Variants in PPP1R12C observed in about 807,000 individuals in gnomAD.
The protein encoded by PPP1R12C is leukocyte receptor cluster (LRC) encoded novel gene 3.
A neutral mutation model predicts 95.6 loss-of-function variants in PPP1R12C; 48 were observed. The ratio of observed to expected loss-of-function variants is 0.50; its 90% confidence interval spans 0.40 to 0.64. The LOEUF (loss-of-function observed/expected upper bound fraction) is 0.64, where lower values mean the gene tolerates loss of function less well. PPP1R12C is among the 30% of genes least tolerant of loss of function. PPP1R12C has a pLI of 0.00. For missense variants in PPP1R12C, 1,057 were observed against 1,083.3 expected, an observed-to-expected ratio of 0.98 and a Z score of 0.34; for synonymous variants, 480 against 460.8, an observed-to-expected ratio of 1.04 and a Z score of -0.53.
Position 55,092,627 on chromosome 19 carries a change from C to G in PPP1R12C, c.1947G>C (p.Glu649Asp). 6.5e-7 allele frequency: 1 copy of G among 1,536,320 alleles called. No individual in the cohort carries two copies. The highest frequency in any genetic ancestry group is 8.7e-7 in the Non-Finnish European group (1 of 1,144,430). ...CTCTCCCACCCCGCCCCTACCTGGA[C>G]TCCTGGCTGCGGTCAGCCGGCTCCG... ...EEAEPADRSQESSTLEGGPSA... is the reference protein window; with the variant it reads ...EEAEPADRSQDSSTLEGGPSA... The change falls in exon 17 of 22, where the codon GAG (glutamate) becomes GAC (aspartate). Residue 649 changes from glutamate to aspartate, a missense_variant. Transcript: ENST00000263433.
At chr19:55,099,757 G>C (rs1254250648) in intron 4 of PPP1R12C, among the ~76,000 whole-genome samples, 2 of 152,250 alleles carry the variant, frequency 1.3e-5, no homozygotes, top group African/African-American at 2.4e-5. Context: ...ACCCGAGACA[G>C]TGTTCTGCGA....
At chr19:55,092,726 T>C in intron 16 of PPP1R12C, 57 bp downstream of exon 16, 2 of 1,531,596 alleles carry the variant, frequency 1.3e-6, no homozygotes, top group African/African-American at 2.7e-5. Flanking sequence ...TGGGAAGGGC[T>C]TTGCCCGCCC....
chr19:55,113,076 G>A, intron 1 of PPP1R12C: 2 of 559,784 alleles, frequency 3.6e-6, no homozygotes, highest in Non-Finnish European at 6.4e-6. Context: ...TCATCTGGGT[G>A]CGGGAACCCC....
rs1318359712 is a variant in PPP1R12C at position 55,091,696 on chromosome 19, C to T, written c.2216G>A (p.Arg739His). ...PALLELERFE[R>H]RALERKAAEL... The stretch of plus-strand genomic sequence containing the variant: ...TGCGGCCTTGCGTTCCAGGGCCCTG[C>T]GCTCCTGGAATGAACAGGGAAAGTG... Residue 739 changes from arginine to histidine, a missense_variant, in exon 21 of 22, where the codon CGC becomes CAC. Coordinates refer to ENST00000263433, the MANE Select transcript of PPP1R12C (RefSeq NM_017607.4). 7.4e-6 allele frequency: 12 copies of T among 1,613,192 alleles called. No homozygotes were observed. The highest frequency in any genetic ancestry group is 6.7e-5 in the Admixed American group (4 of 59,978).
intron 20 of PPP1R12C, 43 bp from the exon 21 acceptor site, chr19:55,091,743 G>GAGGGCAGGGGA: frequency 6.2e-7 from 1 of 1,613,280 alleles, no homozygotes; most frequent in Non-Finnish European, 8.5e-7. Flanking sequence ...TGAGGCTGAG[G>GAGGGCAGGGGA]AGGGCAGGGG....
intron 1 of PPP1R12C, 124 bp from the exon 2 acceptor site, chr19:55,112,919 A>C: frequency 7.3e-7 from 1 of 1,365,964 alleles, no homozygotes; most frequent in Non-Finnish European, 1.0e-6. Context: ...GGGGAAAATG[A>C]CCCAACAGCC....
At chr19:55,095,047 C>T (rs2147182028) in intron 11 of PPP1R12C, 2 of 675,760 alleles carry the variant, frequency 3.0e-6, no homozygotes, top group Non-Finnish European at 5.0e-6. Context: ...GTGCGGACGG[C>T]GCCGTGGTGG....
chr19:55,092,688 A>C, intron 16 of PPP1R12C, 26 bp from the exon 17 acceptor site: 3 of 1,524,300 alleles, frequency 2.0e-6, no homozygotes, highest in Non-Finnish European at 2.6e-6. Flanking sequence ...CGGGGGTTCA[A>C]TGGGTATGGG....
chr19:55,113,428 C>T (rs1815424525), intron 1 of PPP1R12C: 1 of 1,504,466 alleles, frequency 6.6e-7, no homozygotes, highest in Non-Finnish European at 8.8e-7. Flanking sequence ...CACTCCAGTT[C>T]ACTGAGGCCC....
chr19:55,094,865 C>T (rs2084891971), intron 11 of PPP1R12C, 67 bp from the exon 12 acceptor site: 9 of 1,512,972 alleles, frequency 5.9e-6, no homozygotes, highest in Middle Eastern at 3.4e-4. Context: ...GGAGATGCAG[C>T]CGTGAGTGAA....
At position 55,092,613 on chromosome 19, in the gene PPP1R12C, C is replaced by T. The variant is rs2147176932; in HGVS notation, c.1952+9G>A. 3 of 1,536,188 alleles carry T rather than the reference C, an allele frequency of 2.0e-6. No individual in the cohort carries two copies. Among genetic ancestry groups the T allele is most frequent in the Non-Finnish European group, 2.6e-6 (3 of 1,144,166 alleles). On this transcript the variant is annotated intron_variant, in intron 17 of 21. Coordinates refer to ENST00000263433, the MANE Select transcript of PPP1R12C (RefSeq NM_017607.4). Reference sequence around the variant, plus strand: ...CACGCAGACCCCACCTCTCCCACCCCGCCCCTACCTGGACTCCTGGCTGCG... The same window carrying T: ...CACGCAGACCCCACCTCTCCCACCCTGCCCCTACCTGGACTCCTGGCTGCG...
In PPP1R12C at chr19:55,099,071, G is replaced by T; in HGVS notation, c.756C>A (p.Asp252Glu). The T allele has an allele frequency of 6.5e-7, 1 of 1,549,932 alleles. No individual in the cohort carries two copies. The highest frequency in any genetic ancestry group is 8.7e-7 in the Non-Finnish European group (1 of 1,146,080). The change falls in exon 5 of 22, where the codon GAC becomes GAA. Residue 252 changes from aspartate to glutamate, a missense_variant. Coordinates refer to ENST00000263433, the MANE Select transcript of PPP1R12C (RefSeq NM_017607.4). ...AGCCGTCCCCGTCCCGGAGCTCTGG[G>T]TCGTAGCCAGCCTGAAGGAGCAACC... The part of the protein sequence containing the change: ...VMRLLLQAGY[D>E]PELRDGDGWT...
rs1156950281 is a variant in PPP1R12C, at chr19:55,113,372, G to C, written c.322-577C>G. On this transcript the variant is annotated intron_variant, in intron 1 of 21. Transcript: ENST00000263433. ...CAGGGGCCTGGGCGGGACTCCCAGA[G>C]GGGTGAGACAGCTGCACACCTGTGT... 2.8e-6 allele frequency: 4 copies of C among 1,426,652 alleles called. No individual in the cohort carries two copies. The African/African-American group carries it at 4.4e-5, about 16-fold the overall frequency. 88.4% of individuals were successfully genotyped at this position (1,426,652 alleles called of 1,614,324 possible).
chr19:55,095,236 C>G, intron 11 of PPP1R12C, 55 bp downstream of exon 11: 1 of 1,504,982 alleles, frequency 6.6e-7, no homozygotes, highest in Non-Finnish European at 9.0e-7. Context: ...CACGGACAGG[C>G]TTGGAACCCA....
In PPP1R12C at chr19:55,094,191, C is replaced by T. The variant is rs867339543; in HGVS notation, c.1683+154G>A. On this transcript the variant is annotated intron_variant, in intron 13 of 21. Transcript: ENST00000263433. ...ACCCAGGAGTCCAGACCTCCAGCCC[C>T]TCCTCCCTCAGACCCAGGAGTCCAG... Among the ~76,000 whole-genome samples, 4 of 1,210 alleles carry T rather than the reference C, an allele frequency of 3.3e-3. 2 individuals carry two copies. The highest frequency in any genetic ancestry group is 2.5e-3 in the Non-Finnish European group (2 of 788). The allele number at this position is 1,210 out of a possible 152,430, so 0.8% of individuals were successfully genotyped here. A position where few individuals can be genotyped will look rare whatever the true frequency, so the allele number is the denominator to read the frequency against.
intron 6 of PPP1R12C, 26 bp downstream of exon 6, chr19:55,098,758 G>A: frequency 6.2e-7 from 1 of 1,612,866 alleles, no homozygotes; most frequent in Non-Finnish European, 8.5e-7. Flanking sequence ...GGAGTCTGGG[G>A]TAAGCCCCTC....
At chr19:55,108,949 G>A (rs567326660) in intron 3 of PPP1R12C, among the ~76,000 whole-genome samples, 41 of 152,188 alleles carry the variant, frequency 2.7e-4, no homozygotes, top group African/African-American at 9.4e-4. Context: ...CAGGTGATCC[G>A]CCCGCCTCGG....
intron 20 of PPP1R12C, 39 bp downstream of exon 20, chr19:55,091,820 G>C (rs1011825320): frequency 6.2e-7 from 1 of 1,612,818 alleles, no homozygotes; most frequent in Non-Finnish European, 8.5e-7. Flanking sequence ...TGTGAGGCTG[G>C]GGACGCCTCT....
intron 1 of PPP1R12C, chr19:55,113,115 C>G (rs944321523): frequency 3.9e-6 from 2 of 515,244 alleles, no homozygotes; most frequent in Non-Finnish European, 3.5e-6. Flanking sequence ...ACGGCAAAAC[C>G]CCCGTCACCA....
Sources: gnomAD v4.1 joint callset for allele counts (sites outside exome capture counted in the v4.1 genomes callset) on GRCh38, gnomAD v4.1.1 for gene constraint, MANE v1.5 for transcripts, NCBI Gene and HGNC (gene_info 2026-07-23, HGNC 2026-07-21) for gene names.